EZR: variants seen among roughly 807,000 people sequenced by gnomAD.
EZR encodes the protein cytovillin 2.
In EZR, 40 loss-of-function variants were observed where a neutral mutation model predicts 74.8. That is an observed-to-expected ratio of 0.53 (90% CI 0.42 to 0.70). The LOEUF (loss-of-function observed/expected upper bound fraction) is 0.70, where lower values mean the gene tolerates loss of function less well. Among genes scored for constraint, EZR ranks in the 30% least tolerant of loss-of-function variants. The pLI, the probability that EZR is intolerant of heterozygous loss-of-function variation, is 0.00. For missense variants in EZR, 678 were observed against 755.8 expected (o/e 0.90, Z 1.21); for synonymous variants, 341 against 283.3 (o/e 1.20, Z -2.05).
At chr6:158,787,303 G>T in intron 3 of EZR, 100 bp from the exon 4 acceptor site, 1 of 890,888 alleles carries the variant, frequency 1.1e-6, no homozygotes, top group South Asian at 1.5e-5. Context: ...AGAGTCCCCA[G>T]GAAACCAGGA....
At chr6:158,785,658 C>T in intron 4 of EZR, 75 bp from the exon 5 acceptor site, 1 of 1,565,522 alleles carries the variant, frequency 6.4e-7, no homozygotes, top group Non-Finnish European at 8.7e-7. Flanking sequence ...AGGCTTCTAA[C>T]CAAGACTCAA....
intron 12 of EZR, among the ~76,000 whole-genome samples, chr6:158,768,432 G>A (rs1257512763): frequency 2.0e-5 from 3 of 152,168 alleles, no homozygotes; most frequent in South Asian, 2.1e-4. Flanking sequence ...GGGAATGGGG[G>A]CTGGAACAGA....
At chr6:158,784,517 TC>T in intron 6 of EZR, 126 bp downstream of exon 6, 1 of 761,054 alleles carries the variant, frequency 1.3e-6, no homozygotes. Context: ...CACTTTTAAC[TC>T]GGTTCCCTCA....
intron 2 of EZR, among the ~76,000 whole-genome samples, chr6:158,816,442 C>T (rs1777555712): frequency 1.3e-5 from 2 of 152,158 alleles, no homozygotes; most frequent in Non-Finnish European, 2.9e-5. Flanking sequence ...CTTAGCTGAG[C>T]TCTGCACCTC....
rs1224576815 is a variant in EZR at position 158,803,563 on chromosome 6, AT to A, written c.13-14193del. Among the ~76,000 whole-genome samples the A allele has an allele frequency of 3.3e-3, 12 of 3,618 alleles. 1 individual carries two copies. The highest frequency in any genetic ancestry group is 6.5e-3 in the Non-Finnish European group (11 of 1,700). The allele number at this position is 3,618 out of a possible 152,430, so 2.4% of individuals were successfully genotyped here. On this transcript the variant is annotated intron_variant, in intron 2 of 13. Transcript: ENST00000367075. ...TATATATGTATATATATATATATAT[AT>A]ATATATATATATATATACATATATA...
In EZR at chr6:158,789,361, C is replaced by T. The variant is rs778148244; in HGVS notation, c.23G>A (p.Arg8Gln). 3.1e-5 allele frequency: 50 copies of T among 1,613,862 alleles called. No homozygotes were observed. Among genetic ancestry groups the T allele is most frequent in the African/African-American group, 1.1e-4 (8 of 74,916 alleles). MPKPINV[R>Q]VTTMDAELEF... ...CAGCTCTGCATCCATGGTGGTAACTCGGACATTGATCTGAAAAACAGAATG... is the reference window on the plus strand; with the variant it reads ...CAGCTCTGCATCCATGGTGGTAACTTGGACATTGATCTGAAAAACAGAATG... The change falls in exon 3 of 14, where the codon CGA becomes CAA. Residue 8 changes from arginine (R) to glutamine (Q), a missense_variant. Coordinates refer to ENST00000367075, the MANE Select transcript of EZR (RefSeq NM_001111077.2).
chr6:158,777,380 A>G (rs1791310171), intron 7 of EZR, among the ~76,000 whole-genome samples: 1 of 152,254 alleles, frequency 6.6e-6, no homozygotes, highest in East Asian at 1.9e-4. Flanking sequence ...GGCTAATCCT[A>G]CTTAACCAAT....
chr6:158,809,231 G>C (rs928233190), intron 2 of EZR, among the ~76,000 whole-genome samples: 1 of 132,482 alleles, frequency 7.5e-6, no homozygotes, highest in African/African-American at 2.7e-5. Flanking sequence ...ACGGCACAGA[G>C]ATGGAGCTGT....
chr6:158,817,733 T>C (rs990496926), intron 2 of EZR, among the ~76,000 whole-genome samples: 1 of 152,214 alleles, frequency 6.6e-6, no homozygotes, highest in Non-Finnish European at 1.5e-5. Context: ...TGAGTCTCCC[T>C]GTGATTTGGA....
chr6:158,781,684 G>A lies in EZR; in HGVS notation c.698+1836C>T, dbSNP rs544763362. On this transcript the variant is annotated intron_variant, in intron 7 of 13. Coordinates refer to ENST00000367075, the MANE Select transcript of EZR (RefSeq NM_001111077.2). The stretch of plus-strand genomic sequence containing the variant: ...ACTTTGTGCACTGCTCCTTGGCATG[G>A]CTGTCTTAATAGCCACGGCTTCAGC... 1.2e-4 allele frequency among the ~76,000 whole-genome samples: 19 copies of A among 152,306 alleles called. No homozygotes were observed. The South Asian group carries it at 3.7e-3, about 30-fold the overall frequency.
chr6:158,817,934 A>C (rs1777595293), intron 2 of EZR, 148 bp downstream of exon 2: 1 of 610,028 alleles, frequency 1.6e-6, no homozygotes, highest in Non-Finnish European at 2.7e-6. Flanking sequence ...AGTAACAAAG[A>C]GCGGCGAAAA....
chr6:158,781,824 C>T (rs141706580), intron 7 of EZR, among the ~76,000 whole-genome samples: 172 of 151,666 alleles, frequency 1.1e-3, no homozygotes, highest in African/African-American at 3.8e-3. Flanking sequence ...AGTGCAGTGG[C>T]GCAATCTTGG....
chr6:158,803,574 T>C lies in EZR; in HGVS notation c.13-14203A>G, dbSNP rs1007541935. ...ATATATATATATATATATATATATA[T>C]ATATATACATATATATATATATATA... On this transcript the variant is annotated intron_variant, in intron 2 of 13. Transcript: ENST00000367075. Among the ~76,000 whole-genome samples the C allele has an allele frequency of 4.1e-3, 45 of 10,852 alleles. 1 individual carries two copies. Among genetic ancestry groups the C allele is most frequent in the African/African-American group, 7.9e-3 (17 of 2,140 alleles). 7.1% of individuals were successfully genotyped at this position (10,852 alleles called of 152,430 possible).
chr6:158,807,240 G>A (rs1177960178), intron 2 of EZR, among the ~76,000 whole-genome samples: 1 of 151,920 alleles, frequency 6.6e-6, no homozygotes, highest in Non-Finnish European at 1.5e-5. Flanking sequence ...GCGTGAACCC[G>A]GGAGGTGGAG....
intron 7 of EZR, among the ~76,000 whole-genome samples, chr6:158,779,055 AT>A: frequency 6.6e-6 from 1 of 152,358 alleles, no homozygotes; most frequent in Non-Finnish European, 1.5e-5. Context: ...AAGGATAGTG[AT>A]TTTACAGTGG....
intron 2 of EZR, among the ~76,000 whole-genome samples, chr6:158,799,039 C>T (rs1777136399): frequency 6.6e-6 from 1 of 152,180 alleles, no homozygotes; most frequent in Non-Finnish European, 1.5e-5. Flanking sequence ...CATCTCTCTC[C>T]CCCAGCCCTA....
chr6:158,787,234 A>G (rs1791608346), intron 3 of EZR, 31 bp from the exon 4 acceptor site: 2 of 1,578,898 alleles, frequency 1.3e-6, no homozygotes, highest in Admixed American at 1.7e-5. Flanking sequence ...CTCAACACTC[A>G]TGAGAAACTC....
intron 2 of EZR, among the ~76,000 whole-genome samples, chr6:158,814,367 C>CT (rs1401230602): frequency 2.0e-4 from 15 of 75,186 alleles, no homozygotes; most frequent in East Asian, 6.3e-4. Flanking sequence ...TTTTCCTTTC[C>CT]CCATCAGATT....
chr6:158,766,129 G>A lies in EZR; in HGVS notation c.*785C>T, dbSNP rs1790782988. 6.6e-6 allele frequency: 1 copy of A among 152,576 alleles called. No individual in the cohort carries two copies. The highest frequency in any genetic ancestry group is 2.4e-5 in the African/African-American group (1 of 41,442). 9.5% of individuals were successfully genotyped at this position (152,576 alleles called of 1,614,324 possible). On this transcript the variant is annotated 3_prime_UTR_variant, in exon 14 of 14. Coordinates refer to ENST00000367075, the MANE Select transcript of EZR (RefSeq NM_001111077.2). The stretch of plus-strand genomic sequence containing the variant: ...CACATCAAGTGCCATGGTTTAGAGG[G>A]TTTTTCATATGTAATTCTTTTATTC...
Sources: gnomAD v4.1 joint callset for allele counts (sites outside exome capture counted in the v4.1 genomes callset) on GRCh38, gnomAD v4.1.1 for gene constraint, MANE v1.5 for transcripts, NCBI Gene and HGNC (gene_info 2026-07-23, HGNC 2026-07-21) for gene names.